EMC1: variants seen among roughly 807,000 people sequenced by gnomAD.
The protein encoded by EMC1 is ER membrane protein complex subunit 1.
EMC1 carries 103 observed loss-of-function variants against 128.8 expected under a neutral mutation model. The observed-to-expected ratio is 0.80, with a 90% CI of 0.68 to 0.94. The LOEUF is 0.94. Ranked by LOEUF, EMC1 falls within the 40% of genes least tolerant of loss-of-function variation. The pLI is 0.00. For synonymous variants in EMC1, 442 were observed against 490.4 expected, an observed-to-expected ratio of 0.90 and a Z score of 1.30; for missense variants, 1,083 against 1,250.6, an observed-to-expected ratio of 0.87 and a Z score of 2.02.
intron 8 of EMC1, among the ~76,000 whole-genome samples, chr1:19,239,505 G>A (rs968785411): frequency 3.9e-5 from 6 of 152,152 alleles, no homozygotes; most frequent in African/African-American, 9.7e-5. Flanking sequence ...TACCTCCAAC[G>A]CAGGCACAGG....
chr1:19,216,597 T>C lies in EMC1; in HGVS notation c.*2706A>G, dbSNP rs2093398344. On this transcript the variant is annotated 3_prime_UTR_variant, in exon 23 of 23. Coordinates refer to ENST00000477853, the MANE Select transcript of EMC1 (RefSeq NM_015047.3). The stretch of plus-strand genomic sequence containing the variant: ...TGAAAAAACAAGTAACAGAATTAAA[T>C]AGCATCATCTCATTTAAGAAAACAC... 1 of 152,192 alleles carries C rather than the reference T, an allele frequency of 6.6e-6. No individual in the cohort carries two copies. The highest frequency in any genetic ancestry group is 2.4e-5 in the African/African-American group (1 of 41,462). 9.4% of individuals were successfully genotyped at this position (152,192 alleles called of 1,614,324 possible).
At chr1:19,219,933 T>C (rs1434755661) in intron 21 of EMC1, 1 of 508,888 alleles carries the variant, frequency 2.0e-6, no homozygotes, top group Non-Finnish European at 3.5e-6. Context: ...GTTCTAAATC[T>C]GAAAAGAAAG....
Position 19,223,554 on chromosome 1 carries a change from G to A in EMC1, c.2218C>T (p.Leu740=), listed in dbSNP as rs1470005272. ...GTGCTCTCTGTCACCACGGCCAGCA[G>A]GTTGGGGTTCAGGCTCTGGAGAGAG... ...SVLYKSLNPN[L]LAVVTESTDA... Residue 740 remains leucine, a synonymous_variant, in exon 19 of 23, where the codon CTG becomes TTG. Transcript: ENST00000477853. 6.2e-7 allele frequency: 1 copy of A among 1,613,886 alleles called. No individual in the cohort carries two copies. The highest frequency in any genetic ancestry group is 1.3e-5 in the African/African-American group (1 of 74,892).
intron 1 of EMC1, among the ~76,000 whole-genome samples, chr1:19,250,977 T>A (rs1459134134): frequency 6.6e-6 from 1 of 152,220 alleles, no homozygotes; most frequent in African/African-American, 2.4e-5. Flanking sequence ...GGAAAAGGAC[T>A]CAGTTTAGGA....
Position 19,223,443 on chromosome 1 carries a change from TC to T in EMC1, c.2328del (p.Ala778ProfsTer85). ...ACGATATGGACAGGGCCTTTGGCTT[TC>T]TTCTGCACAGAGGAGTGAATGATAC... ...TGRIIHSSVQ[K>X]KAKGPVHIVH... is the part of the protein sequence containing the mutation. On this transcript the variant is annotated frameshift_variant, in exon 19 of 23. Coordinates refer to ENST00000477853, the MANE Select transcript of EMC1 (RefSeq NM_015047.3). LOFTEE classifies it high-confidence loss of function. 6.2e-7 allele frequency: 1 copy of T among 1,614,158 alleles called. No homozygotes were observed. Among genetic ancestry groups the T allele is most frequent in the Non-Finnish European group, 8.5e-7 (1 of 1,180,024 alleles).
chr1:19,242,252 G>A (rs2093610424), intron 5 of EMC1, 93 bp downstream of exon 5: 1 of 1,402,380 alleles, frequency 7.1e-7, no homozygotes, highest in Non-Finnish European at 1.0e-6. Context: ...GACAGGCCTG[G>A]GTTAAAGCAA....
At chr1:19,245,214 G>C (rs769291833) in intron 1 of EMC1, among the ~76,000 whole-genome samples, 184 bp from the exon 2 acceptor site, 1 of 152,176 alleles carries the variant, frequency 6.6e-6, no homozygotes, top group Non-Finnish European at 1.5e-5. Flanking sequence ...GAGGCAGGCA[G>C]ATCACCTGAG....
chr1:19,245,093 G>A lies in EMC1; in HGVS notation c.96-63C>T, dbSNP rs183918098. On this transcript the variant is annotated intron_variant, in intron 1 of 22. Coordinates refer to ENST00000477853, the MANE Select transcript of EMC1 (RefSeq NM_015047.3). ...AAATCACCATTCCACAAAATGCTCCGGAAAAAAAATCACAGGGCTATCACC... is the reference window on the plus strand; with the variant it reads ...AAATCACCATTCCACAAAATGCTCCAGAAAAAAAATCACAGGGCTATCACC... The A allele has an allele frequency of 6.6e-4, 1,051 of 1,580,918 alleles. 3 individuals carry two copies. The highest frequency in any genetic ancestry group is 1.8e-3 in the African/African-American group (134 of 73,482).
Position 19,238,833 on chromosome 1 carries a change from C to T in EMC1, c.1051G>A (p.Gly351Arg), listed in dbSNP as rs1351488256. 6.2e-7 allele frequency: 1 copy of T among 1,611,708 alleles called. No homozygotes were observed. The highest frequency in any genetic ancestry group is 1.1e-5 in the South Asian group (1 of 91,020). The change falls in exon 10 of 23, where the codon GGG becomes AGG. Residue 351 changes from glycine to arginine, a missense_variant. By Grantham distance (125) the Gly-to-Arg change is moderately radical. This residue lies in a region of EMC1 where 544 missense variants were observed against 572.4 expected (regional missense o/e 0.95). Transcript: ENST00000477853. ...TTCTCCGAAAAGCTCCCCATTGACC[C>T]ATCTTCAGAACTGCTACTTTTCTGC... The part of the protein sequence containing the change: ...EVQKSSSSED[G>R]SMGSFSEKSS...
chr1:19,244,385 T>C (rs1296197699), intron 2 of EMC1, among the ~76,000 whole-genome samples: 1 of 152,252 alleles, frequency 6.6e-6, no homozygotes, highest in Non-Finnish European at 1.5e-5. Flanking sequence ...GAGAGTTTAC[T>C]GCAAAGTAGA....
At chr1:19,237,387 C>A in intron 11 of EMC1, 149 bp from the exon 12 acceptor site, 1 of 682,968 alleles carries the variant, frequency 1.5e-6, no homozygotes, top group South Asian at 1.6e-5. Flanking sequence ...ATCTGGATGC[C>A]AGTAAGTGAT....
chr1:19,222,135 A>G (rs568165838), intron 20 of EMC1, among the ~76,000 whole-genome samples: 1 of 152,048 alleles, frequency 6.6e-6, no homozygotes, highest in South Asian at 2.1e-4. Flanking sequence ...GAAAATGCCA[A>G]ATAGAGAGGT....
chr1:19,219,625 C>T lies in EMC1; in HGVS notation c.2746G>A (p.Val916Ile). 1 of 1,614,016 alleles carries T rather than the reference C, an allele frequency of 6.2e-7. No individual in the cohort carries two copies. The change falls in exon 22 of 23, where the codon GTT (valine) becomes ATT (isoleucine). Residue 916 changes from valine (V) to isoleucine (I), a missense_variant. Coordinates refer to ENST00000477853, the MANE Select transcript of EMC1 (RefSeq NM_015047.3). ...AERFINYNQT[V>I]SRMRGIYTAP... is the part of the protein sequence containing the mutation. Reference sequence around the variant, plus strand: ...GTGTAGATACCTCGCATTCGAGAAACTGTCTGGTTATAGTTGATGAATCGC... The same window carrying T: ...GTGTAGATACCTCGCATTCGAGAAATTGTCTGGTTATAGTTGATGAATCGC...
intron 12 of EMC1, among the ~76,000 whole-genome samples, chr1:19,236,409 C>G (rs995829066): frequency 7.3e-5 from 11 of 151,716 alleles, no homozygotes; most frequent in African/African-American, 2.4e-4. Context: ...GTAATCCCAG[C>G]ACTTTGGGAG....
chr1:19,226,435 A>C (rs1269771699), intron 18 of EMC1, among the ~76,000 whole-genome samples: 5 of 152,176 alleles, frequency 3.3e-5, no homozygotes, highest in Non-Finnish European at 7.3e-5. Context: ...TAGGCAACAT[A>C]GTGAGACCCT....
chr1:19,233,189 G>C, intron 13 of EMC1, 54 bp from the exon 14 acceptor site: 1 of 1,482,800 alleles, frequency 6.7e-7, no homozygotes, highest in East Asian at 2.3e-5. Context: ...TCCATAAGGA[G>C]GTACATGATT....
chr1:19,251,339 A>T, intron 1 of EMC1, 76 bp downstream of exon 1: 2 of 1,351,244 alleles, frequency 1.5e-6, no homozygotes, highest in South Asian at 1.2e-5. Context: ...CTGTTAAGTG[A>T]CAACCTTTAG....
intron 1 of EMC1, among the ~76,000 whole-genome samples, chr1:19,245,547 G>C (rs570231391): frequency 6.6e-5 from 10 of 151,766 alleles, no homozygotes; most frequent in African/African-American, 2.4e-4. Flanking sequence ...GCTCCTAATA[G>C]ATAATACTAA....
intron 17 of EMC1, 141 bp downstream of exon 17, chr1:19,230,703 G>T: frequency 1.7e-6 from 2 of 1,150,378 alleles, no homozygotes; most frequent in Non-Finnish European, 1.2e-6. Context: ...ATGAACAAAT[G>T]ATTGACTTTG....
Sources: gnomAD v4.1 joint callset for allele counts (sites outside exome capture counted in the v4.1 genomes callset) on GRCh38, gnomAD v4.1.1 for gene constraint, gnomAD v4.1.1 regional missense constraint, MANE v1.5 for transcripts, NCBI Gene and HGNC (gene_info 2026-07-23, HGNC 2026-07-21) for gene names.